The following C6orf89 variants were observed in gnomAD, a reference collection of about 807,000 sequenced individuals.
C6orf89 encodes the protein bombesin receptor-activated protein C6orf89.
C6orf89 carries 29 observed loss-of-function variants against 40.7 expected under a neutral mutation model. The ratio of observed to expected loss-of-function variants is 0.71; its 90% CI spans 0.53 to 0.97. The LOEUF (loss-of-function observed/expected upper bound fraction) is 0.97. Among genes scored for constraint, C6orf89 ranks in the 50% least tolerant of loss-of-function variants. C6orf89 has a pLI of 0.00. For synonymous variants in C6orf89, 165 were observed against 152.2 expected, an observed-to-expected ratio of 1.08 and a Z score of -0.62; for missense variants, 392 against 429.1, an observed-to-expected ratio of 0.91 and a Z score of 0.76.
At chr6:36,879,982 G>C (rs1042498050) in intron 2 of C6orf89, among the ~76,000 whole-genome samples, 2 of 152,198 alleles carry the variant, frequency 1.3e-5, no homozygotes, top group African/African-American at 4.8e-5. Flanking sequence ...TGGCTCACTG[G>C]CCTTTCACAC....
At chr6:36,910,035 A>G (rs748981552) in intron 4 of C6orf89, among the ~76,000 whole-genome samples, 4 of 152,136 alleles carry the variant, frequency 2.6e-5, no homozygotes, top group African/African-American at 7.2e-5. Flanking sequence ...GGGATTGACT[A>G]ATTTATCTAA....
chr6:36,898,156 C>T (rs144656078), intron 2 of C6orf89, among the ~76,000 whole-genome samples: 2,925 of 152,168 alleles, frequency 0.019, 24 homozygotes, highest in Middle Eastern at 0.035. Flanking sequence ...GATCATAGCT[C>T]ACTGCAGCCT....
At position 36,910,132 on chromosome 6, in the gene C6orf89, C is replaced by CT. The variant is rs879534607; in HGVS notation, c.404-4140dup. 4.2e-3 allele frequency among the ~76,000 whole-genome samples: 617 copies of CT among 145,314 alleles called. 1 individual carries two copies. Among genetic ancestry groups the CT allele is most frequent in the Non-Finnish European group, 6.2e-3 (406 of 65,680 alleles). ...CTATGGTTTGGAGTAGTTCCTCTAG[C>CT]TTTTTTTTTTTTGAGACAGGATCTC... On this transcript the variant is annotated intron_variant, in intron 4 of 8. Transcript: ENST00000480824.
chr6:36,887,119 G>GTTT (rs543966667), intron 1 of C6orf89, among the ~76,000 whole-genome samples: 1 of 142,262 alleles, frequency 7.0e-6, no homozygotes, highest in Non-Finnish European at 1.5e-5. Context: ...GCGTTTTTTT[G>GTTT]TTTTTTTTTT....
At chr6:36,919,160 G>A (rs1762424507) in intron 7 of C6orf89, among the ~76,000 whole-genome samples, 1 of 152,182 alleles carries the variant, frequency 6.6e-6, no homozygotes, top group South Asian at 2.1e-4. Flanking sequence ...GTATACTTCA[G>A]CCACCATGTG....
chr6:36,884,298 G>A (rs1774903284), upstream of C6orf89, among the ~76,000 whole-genome samples: 1 of 152,102 alleles, frequency 6.6e-6, no homozygotes, highest in Non-Finnish European at 1.5e-5. The surrounding 1 kb of genome is among the most constrained non-coding windows in gnomAD (Gnocchi z 4.0). Flanking sequence ...CCAGTTGTAG[G>A]GGATTAGTGA....
At chr6:36,892,147 T>G (rs1761229239) in intron 1 of C6orf89, among the ~76,000 whole-genome samples, 1 of 152,184 alleles carries the variant, frequency 6.6e-6, no homozygotes, top group African/African-American at 2.4e-5. Context: ...CTCTCAGTTG[T>G]CTCCTCCTAT....
intron 4 of C6orf89, among the ~76,000 whole-genome samples, chr6:36,913,829 T>C (rs906403848): frequency 2.0e-5 from 3 of 152,162 alleles, no homozygotes; most frequent in African/African-American, 7.2e-5. Flanking sequence ...TACCTTACCT[T>C]TTCAGCGGTC....
chr6:36,927,138 A>G lies in C6orf89; in HGVS notation c.*3697A>G, dbSNP rs904166119. On this transcript the variant is annotated 3_prime_UTR_variant, in exon 9 of 9. Transcript: ENST00000480824. ...CTCCACATTCTTCCAGATGTGTGACAGAGGAGGGACTCTGCTCAATTCCAG... is the reference window on the plus strand; with the variant it reads ...CTCCACATTCTTCCAGATGTGTGACGGAGGAGGGACTCTGCTCAATTCCAG... 6.6e-6 allele frequency: 1 copy of G among 152,252 alleles called. No individual in the cohort carries two copies. Among genetic ancestry groups the G allele is most frequent in the Admixed American group, 6.5e-5 (1 of 15,286 alleles). 9.4% of individuals were successfully genotyped at this position (152,252 alleles called of 1,614,324 possible). A position where few individuals can be genotyped will look rare whatever the true frequency, so the allele number is the denominator to read the frequency against.
At chr6:36,910,733 A>G (rs1762097086) in intron 4 of C6orf89, among the ~76,000 whole-genome samples, 1 of 152,022 alleles carries the variant, frequency 6.6e-6, no homozygotes, top group Non-Finnish European at 1.5e-5. Flanking sequence ...TCTCTAAAAA[A>G]AAAAAAAAGG....
chr6:36,883,987 C>T (rs1446937554), upstream of C6orf89, among the ~76,000 whole-genome samples: 3 of 152,198 alleles, frequency 2.0e-5, no homozygotes, highest in Non-Finnish European at 4.4e-5. Context: ...TCTGGCCGGG[C>T]GTGATGGCTG....
upstream of C6orf89, among the ~76,000 whole-genome samples, chr6:36,882,905 T>C (rs1462662899): frequency 6.6e-6 from 1 of 150,824 alleles, no homozygotes; most frequent in Non-Finnish European, 1.5e-5. Context: ...GCCTGGCTAA[T>C]TTTTTTTGTA....
In C6orf89 at chr6:36,902,338, C is replaced by T. The variant is rs749068867; in HGVS notation, c.307C>T (p.His103Tyr). The T allele has an allele frequency of 8.0e-5, 129 of 1,614,064 alleles. No individual in the cohort carries two copies. The highest frequency in any genetic ancestry group is 1.1e-4 in the Non-Finnish European group (124 of 1,180,038). Residue 103 changes from histidine (H) to tyrosine (Y), a missense_variant, in exon 4 of 9, where the codon CAC becomes TAC. His to Tyr is a moderately conservative substitution (Grantham distance 83). Transcript: ENST00000480824. ...GAHTWRSLIH[H>Y]IRLMSLPIAK... ...TCACACCTGGCGCTCACTCATCCAT[C>T]ACATTAGGCTGATGTCCTTGCCCAT...
intron 3 of C6orf89, 79 bp downstream of exon 3, chr6:36,899,712 T>C: frequency 7.3e-7 from 1 of 1,362,460 alleles, no homozygotes; most frequent in South Asian, 1.2e-5. Flanking sequence ...TATTGTTGAC[T>C]AATCCCACCA....
chr6:36,919,828 G>T (rs1762453649), intron 8 of C6orf89, 127 bp downstream of exon 8: 1 of 952,054 alleles, frequency 1.1e-6, no homozygotes, highest in Non-Finnish European at 1.5e-6. Flanking sequence ...ACATTCTCCT[G>T]TTAACAGGCT....
intron 1 of C6orf89, among the ~76,000 whole-genome samples, chr6:36,874,523 C>T (rs1774594819): frequency 6.6e-6 from 1 of 152,250 alleles, no homozygotes; most frequent in Non-Finnish European, 1.5e-5. Context: ...GAGACCTCAG[C>T]ACAAGACCCC....
At chr6:36,898,663 A>G (rs1488240723) in intron 2 of C6orf89, among the ~76,000 whole-genome samples, 1 of 152,212 alleles carries the variant, frequency 6.6e-6, no homozygotes, top group Non-Finnish European at 1.5e-5. Context: ...TTCTCTGGGC[A>G]TGATGAAACA....
chr6:36,883,058 C>T (rs1012370154), upstream of C6orf89: 6 of 152,272 alleles, frequency 3.9e-5, no homozygotes, highest in Admixed American at 2.6e-4. Context: ...ATTTTCAATG[C>T]ATGTTTTCTG....
At chr6:36,874,589 C>T in intron 1 of C6orf89, 1 of 1,290,250 alleles carries the variant, frequency 7.8e-7, no homozygotes, top group Admixed American at 2.1e-5. Context: ...GGGGCCGTCT[C>T]GGCCGCTGCT....
Sources: gnomAD v4.1 joint callset for allele counts (sites outside exome capture counted in the v4.1 genomes callset) on GRCh38, gnomAD v4.1.1 for gene constraint, Gnocchi (gnomAD v3.1) non-coding constraint, MANE v1.5 for transcripts, NCBI Gene and HGNC (gene_info 2026-07-23, HGNC 2026-07-21) for gene names.